CSMD1: variants seen among roughly 807,000 people sequenced by gnomAD.
CSMD1 encodes the protein CUB and sushi domain-containing protein 1.
In CSMD1, 213 loss-of-function variants were observed where a neutral mutation model predicts 417.5. That is an observed-to-expected ratio of 0.51 (90% CI 0.46 to 0.57). The LOEUF (loss-of-function observed/expected upper bound fraction) is 0.57, where lower values mean the gene tolerates loss of function less well. Ranked by LOEUF, CSMD1 falls within the 20% of genes least tolerant of loss-of-function variation. The pLI is 0.00. For missense variants in CSMD1, 6,923 were observed against 4,529.7 expected (o/e 1.53, Z -15.17); for synonymous variants, 2,862 against 1,736.8 (o/e 1.65, Z -16.11).
At chr8:3,491,945 C>T (rs146647103) in intron 11 of CSMD1, among the ~76,000 whole-genome samples, 3 of 152,172 alleles carry the variant, frequency 2.0e-5, no homozygotes, top group African/African-American at 4.8e-5. Context: ...CGGAGGCTTG[C>T]TCACAGCCCA....
At chr8:3,702,848 C>T (rs900222) in intron 7 of CSMD1, among the ~76,000 whole-genome samples, 1 of 152,058 alleles carries the variant, frequency 6.6e-6, no homozygotes, top group African/African-American at 2.4e-5. Flanking sequence ...CAAATATATA[C>T]AGTGTCAGTT....
chr8:4,204,159 C>A (rs925378813), intron 3 of CSMD1, among the ~76,000 whole-genome samples: 1 of 152,086 alleles, frequency 6.6e-6, no homozygotes, highest in Non-Finnish European at 1.5e-5. Context: ...TCCTGAAATT[C>A]ATTGACTGTG....
chr8:3,120,064 G>C (rs1168917561), intron 41 of CSMD1, among the ~76,000 whole-genome samples: 1 of 152,156 alleles, frequency 6.6e-6, no homozygotes, highest in African/African-American at 2.4e-5. Flanking sequence ...TTGGAAACTT[G>C]TAAACAAATG....
chr8:4,088,915 G>A (rs1408014378), intron 3 of CSMD1, among the ~76,000 whole-genome samples: 4 of 152,130 alleles, frequency 2.6e-5, no homozygotes, highest in East Asian at 3.9e-4. Flanking sequence ...TATATTCAGC[G>A]AAAAAGCACT....
intron 3 of CSMD1, among the ~76,000 whole-genome samples, chr8:4,052,686 G>A (rs186206492): frequency 6.6e-6 from 1 of 152,114 alleles, no homozygotes; most frequent in African/African-American, 2.4e-5. Context: ...TAATAAGTAA[G>A]GTGTATATAT....
chr8:3,221,279 G>A (rs563526255), intron 28 of CSMD1, among the ~76,000 whole-genome samples: 63 of 152,246 alleles, frequency 4.1e-4, no homozygotes, highest in Middle Eastern at 6.8e-3. Flanking sequence ...TTAGGAAGGT[G>A]TCTTAGTCTG....
chr8:3,653,907 G>A lies in CSMD1; in HGVS notation c.1010-37110C>T, dbSNP rs771150897. On this transcript the variant is annotated intron_variant, in intron 7 of 69. Transcript: ENST00000635120. ...CTGACAGCATCAGTATTAAAAATCA[G>A]CACTTGCTCTTGTGTCTGAAACTGA... 2.0e-5 allele frequency among the ~76,000 whole-genome samples: 3 copies of A among 152,142 alleles called. No homozygotes were observed. The East Asian group carries it at 5.8e-4, about 29-fold the overall frequency.
chr8:3,299,803 TA>T (rs549131382), intron 25 of CSMD1, among the ~76,000 whole-genome samples: 6 of 152,340 alleles, frequency 3.9e-5, no homozygotes, highest in South Asian at 2.1e-4. Context: ...ATGTTTGGAA[TA>T]TTTTTTTTCT....
At chr8:3,184,776 A>G (rs970993589) in intron 36 of CSMD1, among the ~76,000 whole-genome samples, 6 of 152,220 alleles carry the variant, frequency 3.9e-5, no homozygotes, top group African/African-American at 1.4e-4. Context: ...AGGATAGCCA[A>G]TAGTCTCAGA....
At position 4,232,430 on chromosome 8, in the gene CSMD1, C is replaced by T. The variant is rs182034066; in HGVS notation, c.415+187523G>A. ...GCCAGCTTGGTCTTGAACTCCTGACCTCAGGTGATCTGCCCACCTCAGATT... is the reference window on the plus strand; with the variant it reads ...GCCAGCTTGGTCTTGAACTCCTGACTTCAGGTGATCTGCCCACCTCAGATT... On this transcript the variant is annotated intron_variant, in intron 3 of 69. Transcript: ENST00000635120. 2.1e-3 allele frequency among the ~76,000 whole-genome samples: 326 copies of T among 152,252 alleles called. 1 individual carries two copies. The highest frequency in any genetic ancestry group is 7.4e-3 in the African/African-American group (306 of 41,560).
intron 7 of CSMD1, among the ~76,000 whole-genome samples, chr8:3,705,085 C>A (rs1484353887): frequency 6.6e-6 from 1 of 152,144 alleles, no homozygotes; most frequent in Non-Finnish European, 1.5e-5. Flanking sequence ...GAGAAGAAGC[C>A]AGTCAGGCAA....
chr8:3,162,984 A>T (rs1236544186), intron 37 of CSMD1, among the ~76,000 whole-genome samples: 3 of 152,196 alleles, frequency 2.0e-5, no homozygotes, highest in Non-Finnish European at 4.4e-5. Flanking sequence ...TCTCTGTATA[A>T]ATCCTTATCA....
At chr8:3,552,971 T>G (rs774751837) in intron 10 of CSMD1, among the ~76,000 whole-genome samples, 2 of 152,150 alleles carry the variant, frequency 1.3e-5, no homozygotes, top group African/African-American at 4.8e-5. Flanking sequence ...ATTTCAGAAA[T>G]AGTTCACCAC....
At chr8:4,896,075 G>T (rs1476899374) in intron 1 of CSMD1, among the ~76,000 whole-genome samples, 1 of 151,966 alleles carries the variant, frequency 6.6e-6, no homozygotes, top group Non-Finnish European at 1.5e-5. Flanking sequence ...CTATTTAGAG[G>T]CCTTCCTCTG....
At chr8:3,448,127 G>A (rs1375223084) in intron 12 of CSMD1, among the ~76,000 whole-genome samples, 4 of 151,234 alleles carry the variant, frequency 2.6e-5, no homozygotes, top group Non-Finnish European at 4.4e-5. Context: ...GCATGATGCT[G>A]TCAATCCAAG....
chr8:4,945,443 C>G lies in CSMD1; in HGVS notation c.85+48889G>C, dbSNP rs977431699. The stretch of plus-strand genomic sequence containing the variant: ...TTACCGCAATTTAAAAAAATACATC[C>G]CAGCATTTTGGGAAGCTGAGGTGGG... On this transcript the variant is annotated intron_variant, in intron 1 of 69. Coordinates refer to ENST00000635120, the MANE Select transcript of CSMD1 (RefSeq NM_033225.6). Among the ~76,000 whole-genome samples, 16 of 151,350 alleles carry G rather than the reference C, an allele frequency of 1.1e-4. 1 individual carries two copies. The East Asian group carries it at 3.1e-3, about 29-fold the overall frequency.
chr8:4,217,637 T>G (rs1800761853), intron 3 of CSMD1, among the ~76,000 whole-genome samples: 2 of 148,298 alleles, frequency 1.3e-5, no homozygotes, highest in African/African-American at 4.9e-5. Flanking sequence ...GTTGAAAAAG[T>G]TGACTCAGTT....
intron 1 of CSMD1, among the ~76,000 whole-genome samples, chr8:4,723,798 A>AC (rs1554457690): frequency 2.7e-5 from 4 of 146,466 alleles, no homozygotes; most frequent in South Asian, 2.1e-4. Flanking sequence ...AAAAAAAAAA[A>AC]AACAAAAAAA....
intron 2 of CSMD1, among the ~76,000 whole-genome samples, chr8:4,458,757 T>C (rs1799635315): frequency 6.6e-6 from 1 of 152,192 alleles, no homozygotes; most frequent in South Asian, 2.1e-4. Context: ...ACAAAAACAT[T>C]TTATGCATTG....
Sources: allele counts gnomAD v4.1 joint callset (sites outside exome capture counted in the v4.1 genomes callset), GRCh38; gene constraint gnomAD v4.1.1; transcripts MANE v1.5; gene names NCBI Gene and HGNC (gene_info 2026-07-23, HGNC 2026-07-21).